The following LRFN2 variants were observed in gnomAD, a reference collection of about 807,000 sequenced individuals.
LRFN2 encodes leucine-rich repeat and fibronectin type-III domain-containing protein 2.
A neutral mutation model predicts 37.3 loss-of-function variants in LRFN2; 18 were observed. The ratio of observed to expected loss-of-function variants is 0.48; its 90% CI spans 0.33 to 0.72. The LOEUF is 0.72. LRFN2 is among the 30% of genes least tolerant of loss of function. LRFN2 has a pLI of 0.02. For missense variants in LRFN2, 1,006 were observed against 1,060.7 expected (o/e 0.95, Z 0.72); for synonymous variants, 556 against 466.6 (o/e 1.19, Z -2.47).
chr6:40,482,698 C>A (rs1490032403), intron 1 of LRFN2, among the ~76,000 whole-genome samples: 1 of 152,230 alleles, frequency 6.6e-6, no homozygotes, highest in Admixed American at 6.5e-5. Flanking sequence ...CCCCACTGCG[C>A]CCTCCTTCTG....
intron 1 of LRFN2, among the ~76,000 whole-genome samples, chr6:40,580,529 T>C (rs1767379131): frequency 6.6e-6 from 1 of 152,196 alleles, no homozygotes; most frequent in Non-Finnish European, 1.5e-5. Context: ...CTGGACCGGA[T>C]CCAGAAGTCT....
At chr6:40,576,732 G>A (rs189338245) in intron 1 of LRFN2, among the ~76,000 whole-genome samples, 7 of 152,334 alleles carry the variant, frequency 4.6e-5, no homozygotes, top group African/African-American at 1.7e-4. Flanking sequence ...CACCCCAAGA[G>A]AGAGACACTG....
At chr6:40,450,316 T>C (rs1324230836) in intron 1 of LRFN2, among the ~76,000 whole-genome samples, 2 of 152,214 alleles carry the variant, frequency 1.3e-5, no homozygotes, top group African/African-American at 4.8e-5. Context: ...CTTAAGATTC[T>C]CATTAGTATT....
chr6:40,424,760 C>T (rs903958016), intron 2 of LRFN2, among the ~76,000 whole-genome samples: 2 of 152,118 alleles, frequency 1.3e-5, no homozygotes, highest in Non-Finnish European at 2.9e-5. Context: ...GGGAAACAGC[C>T]GAGTCAAAGA....
At chr6:40,437,242 C>T (rs1210187962) in intron 1 of LRFN2, among the ~76,000 whole-genome samples, 1 of 152,186 alleles carries the variant, frequency 6.6e-6, no homozygotes, top group Non-Finnish European at 1.5e-5. Context: ...CCACCCTCTC[C>T]CCGCCAGCTC....
At chr6:40,548,744 ATG>A (rs1766711420) in intron 1 of LRFN2, among the ~76,000 whole-genome samples, 1 of 152,190 alleles carries the variant, frequency 6.6e-6, no homozygotes, top group South Asian at 2.1e-4. Context: ...TGTTGGGAGA[ATG>A]TATTCTCTCT....
At chr6:40,553,479 C>G (rs1350795215) in intron 1 of LRFN2, among the ~76,000 whole-genome samples, 2 of 152,106 alleles carry the variant, frequency 1.3e-5, no homozygotes, top group Admixed American at 6.5e-5. Flanking sequence ...GAGCAAACAC[C>G]AAGTTCAGGT....
At chr6:40,500,291 C>T (rs114891933) in intron 1 of LRFN2, among the ~76,000 whole-genome samples, 1,729 of 152,340 alleles carry the variant, frequency 0.011, 26 homozygotes, top group Admixed American at 0.022. Context: ...CAGGTTTGGC[C>T]CATGGGATGT....
At chr6:40,498,116 C>T (rs374665344) in intron 1 of LRFN2, among the ~76,000 whole-genome samples, 1 of 151,924 alleles carries the variant, frequency 6.6e-6, no homozygotes, top group Non-Finnish European at 1.5e-5. Flanking sequence ...TACAACAGCG[C>T]GCCTATAGAT....
chr6:40,580,414 T>C (rs1767377677), intron 1 of LRFN2, among the ~76,000 whole-genome samples: 1 of 152,158 alleles, frequency 6.6e-6, no homozygotes, highest in African/African-American at 2.4e-5. Context: ...CCCTGGTCCT[T>C]AGTTTCCCAT....
chr6:40,528,957 G>A (rs757304185), intron 1 of LRFN2, among the ~76,000 whole-genome samples: 28 of 152,228 alleles, frequency 1.8e-4, no homozygotes, highest in Non-Finnish European at 3.4e-4. Context: ...TTATTTACAC[G>A]TTTGGGGAAG....
chr6:40,405,939 G>T (rs1236449143), intron 2 of LRFN2, among the ~76,000 whole-genome samples: 5 of 152,188 alleles, frequency 3.3e-5, no homozygotes, highest in African/African-American at 1.2e-4. Flanking sequence ...GACTTGGGAG[G>T]CATGGCAGAT....
At chr6:40,394,202 A>T (rs1762570397) in intron 2 of LRFN2, among the ~76,000 whole-genome samples, 1 of 151,900 alleles carries the variant, frequency 6.6e-6, no homozygotes, top group African/African-American at 2.4e-5. Context: ...GACCCTTGTG[A>T]CCTTGTTAAG....
intron 1 of LRFN2, among the ~76,000 whole-genome samples, chr6:40,506,037 G>T (rs899568878): frequency 1.3e-5 from 2 of 152,192 alleles, no homozygotes; most frequent in Non-Finnish European, 2.9e-5. Flanking sequence ...TCCAGTGAGG[G>T]GCCTAGATCT....
intron 1 of LRFN2, among the ~76,000 whole-genome samples, chr6:40,464,810 G>A (rs1041072062): frequency 2.0e-5 from 3 of 151,980 alleles, no homozygotes; most frequent in East Asian, 1.9e-4. Flanking sequence ...ATGGGAGCTG[G>A]TGAATAAGTA....
At chr6:40,548,006 G>A (rs903781153) in intron 1 of LRFN2, among the ~76,000 whole-genome samples, 5 of 152,166 alleles carry the variant, frequency 3.3e-5, no homozygotes, top group Non-Finnish European at 7.3e-5. Context: ...GCTTCAACTA[G>A]ATGAAGCCAG....
At chr6:40,574,434 T>C (rs1227971870) in intron 1 of LRFN2, among the ~76,000 whole-genome samples, 2 of 151,972 alleles carry the variant, frequency 1.3e-5, no homozygotes, top group Non-Finnish European at 2.9e-5. Context: ...ACATATCAAC[T>C]GCTCATCAAG....
intron 1 of LRFN2, among the ~76,000 whole-genome samples, chr6:40,574,380 C>G (rs905696701): frequency 2.0e-5 from 3 of 152,158 alleles, no homozygotes; most frequent in African/African-American, 2.4e-5. Context: ...TTGAACCCAG[C>G]TGTCTGACTC....
intron 2 of LRFN2, among the ~76,000 whole-genome samples, chr6:40,406,148 G>A (rs1762841400): frequency 6.6e-6 from 1 of 152,198 alleles, no homozygotes. Flanking sequence ...TGTGACCTTG[G>A]GCAAGCCACG....
Sources: gnomAD v4.1 joint callset for allele counts (sites outside exome capture counted in the v4.1 genomes callset) on GRCh38, gnomAD v4.1.1 for gene constraint, MANE v1.5 for transcripts, NCBI Gene and HGNC (gene_info 2026-07-23, HGNC 2026-07-21) for gene names.